CAMKMT: variants seen among roughly 807,000 people sequenced by gnomAD.
CAMKMT encodes CaM KMT.
In CAMKMT, 53 loss-of-function variants were observed where a neutral mutation model predicts 48.0. The observed-to-expected ratio is 1.10, with a 90% CI of 0.89 to 1.39. The LOEUF is 1.39. CAMKMT is among the 40% of genes most tolerant of loss of function. The probability of loss-of-function intolerance (pLI) is 0.00; values close to 1 mark genes in which losing one functional copy is unlikely to be tolerated. For missense variants in CAMKMT, 428 were observed against 402.7 expected (o/e 1.06, Z -0.54); for synonymous variants, 165 against 152.3 (o/e 1.08, Z -0.61).
chr2:44,382,887 T>G (rs76093802), intron 2 of CAMKMT, among the ~76,000 whole-genome samples: 6,404 of 152,318 alleles, frequency 0.042, 427 homozygotes, highest in African/African-American at 0.14. Flanking sequence ...ACACGTATTC[T>G]CTTACTATGT....
At chr2:44,412,062 T>C (rs543535238) in intron 3 of CAMKMT, among the ~76,000 whole-genome samples, 4 of 145,284 alleles carry the variant, frequency 2.8e-5, no homozygotes, top group African/African-American at 7.6e-5. Flanking sequence ...CAGCCAGGAC[T>C]CTTCTAGGAT....
intron 3 of CAMKMT, among the ~76,000 whole-genome samples, chr2:44,518,527 T>C (rs1670945644): frequency 6.6e-6 from 1 of 152,218 alleles, no homozygotes; most frequent in South Asian, 2.1e-4. Flanking sequence ...AAAAATAGAC[T>C]TTTGAAAAAT....
intron 3 of CAMKMT, among the ~76,000 whole-genome samples, chr2:44,675,939 G>A (rs947847310): frequency 6.6e-6 from 1 of 152,100 alleles, no homozygotes; most frequent in African/African-American, 2.4e-5. Flanking sequence ...TCTTTTTGTG[G>A]CTAGCTTGTT....
intron 3 of CAMKMT, among the ~76,000 whole-genome samples, chr2:44,535,755 A>G (rs541077207): frequency 6.6e-6 from 1 of 152,300 alleles, no homozygotes; most frequent in African/African-American, 2.4e-5. Context: ...AATAAAGGCC[A>G]TATATGACAA....
intron 3 of CAMKMT, among the ~76,000 whole-genome samples, chr2:44,422,663 A>G (rs1261015156): frequency 6.6e-6 from 1 of 152,160 alleles, no homozygotes. Flanking sequence ...TGGACTATCC[A>G]AATATATTGG....
chr2:44,553,663 G>A (rs995638879), intron 3 of CAMKMT, among the ~76,000 whole-genome samples: 2 of 152,090 alleles, frequency 1.3e-5, no homozygotes, highest in South Asian at 2.1e-4. Context: ...ACTTGGCCAC[G>A]TTTTTGTTGT....
At chr2:44,594,471 C>G (rs773964079) in intron 3 of CAMKMT, among the ~76,000 whole-genome samples, 19 of 152,208 alleles carry the variant, frequency 1.2e-4, no homozygotes, top group Non-Finnish European at 2.1e-4. Context: ...GATATATAGA[C>G]CAATGGAACA....
At chr2:44,755,834 A>C (rs1050453523) in intron 9 of CAMKMT, among the ~76,000 whole-genome samples, 1 of 152,134 alleles carries the variant, frequency 6.6e-6, no homozygotes. Flanking sequence ...AGCCTAGAGA[A>C]GGGTGAGGCA....
intron 3 of CAMKMT, among the ~76,000 whole-genome samples, chr2:44,639,349 G>A (rs1673318675): frequency 1.3e-5 from 2 of 152,166 alleles, no homozygotes; most frequent in African/African-American, 4.8e-5. Context: ...TTTCCTGGGG[G>A]GTTATATTCA....
At chr2:44,408,021 A>C (rs555167034) in intron 3 of CAMKMT, among the ~76,000 whole-genome samples, 343 of 128,834 alleles carry the variant, frequency 2.7e-3, no homozygotes, top group Middle Eastern at 0.021. Context: ...ACAGTAGAGC[A>C]TGTCTTTTTT....
intron 3 of CAMKMT, among the ~76,000 whole-genome samples, chr2:44,455,215 CT>C (rs1667496749): frequency 6.6e-6 from 1 of 151,132 alleles, no homozygotes; most frequent in South Asian, 2.1e-4. Context: ...GAAAGTAGGA[CT>C]GGGGATTCCA....
chr2:44,483,733 C>T (rs1455508268), intron 3 of CAMKMT, among the ~76,000 whole-genome samples: 1 of 152,050 alleles, frequency 6.6e-6, no homozygotes, highest in African/African-American at 2.4e-5. Context: ...GAAAACTGAT[C>T]TTCAAGTAAA....
chr2:44,686,166 G>C (rs1175200640), intron 3 of CAMKMT, among the ~76,000 whole-genome samples: 1 of 152,062 alleles, frequency 6.6e-6, no homozygotes, highest in Non-Finnish European at 1.5e-5. Flanking sequence ...GGCTGAGGTG[G>C]GCGGATCATG....
At chr2:44,720,348 T>C (rs1409275963) in intron 7 of CAMKMT, among the ~76,000 whole-genome samples, 4 of 152,208 alleles carry the variant, frequency 2.6e-5, no homozygotes, top group Non-Finnish European at 5.9e-5. Context: ...CTACCAAAAA[T>C]AGGCCAGGTG....
chr2:44,608,488 C>T (rs1168876082), intron 3 of CAMKMT, among the ~76,000 whole-genome samples: 3 of 152,072 alleles, frequency 2.0e-5, no homozygotes, highest in Admixed American at 2.0e-4. Context: ...GTAATCAGAT[C>T]AGGTATTATC....
chr2:44,455,356 C>T (rs747707974), intron 3 of CAMKMT, among the ~76,000 whole-genome samples: 10 of 152,054 alleles, frequency 6.6e-5, no homozygotes, highest in African/African-American at 9.7e-5. Flanking sequence ...TTTCTGCTTG[C>T]CCTTTGAACT....
At chr2:44,616,692 A>T (rs1671910827) in intron 3 of CAMKMT, among the ~76,000 whole-genome samples, 1 of 152,162 alleles carries the variant, frequency 6.6e-6, no homozygotes, top group South Asian at 2.1e-4. Flanking sequence ...TGACATGGGG[A>T]ATTACCTTAT....
intron 3 of CAMKMT, among the ~76,000 whole-genome samples, chr2:44,412,070 G>A (rs962172191): frequency 7.0e-6 from 1 of 142,394 alleles, no homozygotes; most frequent in Non-Finnish European, 1.5e-5. Context: ...ACTCTTCTAG[G>A]ATAAAGACAT....
rs1311154437 is a variant in CAMKMT at position 44,670,482 on chromosome 2, C to T, written c.377-33801C>T. ...ACTGGGCAGCAGAGCGAGATCTTCT[C>T]TCTAAAAATAACAATAAAAATTAGT... On this transcript the variant is annotated intron_variant, in intron 3 of 10. Coordinates refer to ENST00000378494, the MANE Select transcript of CAMKMT (RefSeq NM_024766.5). Among the ~76,000 whole-genome samples, 4 of 152,132 alleles carry T rather than the reference C, an allele frequency of 2.6e-5. No individual in the cohort carries two copies. In the East Asian group the frequency reaches 7.8e-4, roughly 30 times the overall value.
Sources: gnomAD v4.1 joint callset for allele counts (sites outside exome capture counted in the v4.1 genomes callset) on GRCh38, gnomAD v4.1.1 for gene constraint, MANE v1.5 for transcripts, NCBI Gene and HGNC (gene_info 2026-07-23, HGNC 2026-07-21) for gene names.